GOLIM4: variants seen among roughly 807,000 people sequenced by gnomAD.
GOLIM4 encodes the protein 130 kDa golgi-localized phosphoprotein.
GOLIM4 carries 71 observed loss-of-function variants against 107.4 expected under a neutral mutation model. The ratio of observed to expected loss-of-function variants is 0.66; its 90% CI spans 0.55 to 0.81. GOLIM4 has a LOEUF of 0.81. Ranked by LOEUF, GOLIM4 falls within the 30% of genes least tolerant of loss-of-function variation. GOLIM4 has a pLI of 0.00. For missense variants in GOLIM4, 830 were observed against 826.1 expected, an observed-to-expected ratio of 1.00 and a Z score of -0.06; for synonymous variants, 327 against 294.8, an observed-to-expected ratio of 1.11 and a Z score of -1.12.
At chr3:168,078,319 C>T (rs761794650) in intron 1 of GOLIM4, among the ~76,000 whole-genome samples, 1 of 152,040 alleles carries the variant, frequency 6.6e-6, no homozygotes, top group Non-Finnish European at 1.5e-5. Context: ...TAAATTATCA[C>T]AAGTAATAAA....
At position 168,029,997 on chromosome 3, in the gene GOLIM4, G is replaced by T. The variant is rs200920063; in HGVS notation, c.1216C>A (p.Pro406Thr). The change falls in exon 10 of 16, where the codon CCC (proline) becomes ACC (threonine). Residue 406 changes from proline (P) to threonine (T), a missense_variant. Coordinates refer to ENST00000470487, the MANE Select transcript of GOLIM4 (RefSeq NM_014498.5). Reference protein sequence around the residue: ...SAKPMIKFQSPYEEQLEQQRL... With the variant: ...SAKPMIKFQSTYEEQLEQQRL... ...TGCTGTTCCAACTGTTCCTCATAGG[G>T]TGATTGGAATTTGATCATTGGCTTG... 6.2e-7 allele frequency: 1 copy of T among 1,614,130 alleles called. No homozygotes were observed. Among genetic ancestry groups the T allele is most frequent in the African/African-American group, 1.3e-5 (1 of 75,044 alleles).
chr3:168,011,770 C>T (rs1717051008), intron 14 of GOLIM4, among the ~76,000 whole-genome samples: 1 of 134,852 alleles, frequency 7.4e-6, no homozygotes, highest in Non-Finnish European at 1.5e-5. Context: ...GGAGGCACCC[C>T]CCAGCAGGAG....
intron 14 of GOLIM4, among the ~76,000 whole-genome samples, chr3:168,021,914 G>A (rs921111163): frequency 2.6e-5 from 4 of 152,080 alleles, no homozygotes; most frequent in African/African-American, 9.7e-5. Flanking sequence ...AGCTTACACG[G>A]CACTTTTTGG....
At position 168,008,707 on chromosome 3, in the gene GOLIM4, T is replaced by C. The variant is rs1716813923; in HGVS notation, c.*1562A>G. Reference sequence around the variant, plus strand: ...TTGCCACTTTTTTTTTTTAGCTTTATTGACTATTACCAACTTTCAGTATGG... The same window carrying C: ...TTGCCACTTTTTTTTTTTAGCTTTACTGACTATTACCAACTTTCAGTATGG... On this transcript the variant is annotated 3_prime_UTR_variant, in exon 16 of 16. Coordinates refer to ENST00000470487, the MANE Select transcript of GOLIM4 (RefSeq NM_014498.5). 1 of 152,142 alleles carries C rather than the reference T, an allele frequency of 6.6e-6. No individual in the cohort carries two copies. Among genetic ancestry groups the C allele is most frequent in the South Asian group, 2.1e-4 (1 of 4,830 alleles). 9.4% of individuals were successfully genotyped at this position (152,142 alleles called of 1,614,324 possible). A position where few individuals can be genotyped will look rare whatever the true frequency, so the allele number is the denominator to read the frequency against.
chr3:168,091,553 A>T (rs1721916292), intron 1 of GOLIM4, among the ~76,000 whole-genome samples: 3 of 152,226 alleles, frequency 2.0e-5, no homozygotes, highest in African/African-American at 7.2e-5. Flanking sequence ...GTACAATAAA[A>T]GGAGGTGGTT....
At chr3:168,021,030 C>T (rs762160183) in intron 14 of GOLIM4, among the ~76,000 whole-genome samples, 7 of 152,152 alleles carry the variant, frequency 4.6e-5, no homozygotes, top group Non-Finnish European at 8.8e-5. Flanking sequence ...AACAATGCTT[C>T]TTGTTACTCA....
intron 1 of GOLIM4, among the ~76,000 whole-genome samples, chr3:168,075,295 T>G (rs929601758): frequency 2.4e-5 from 2 of 84,286 alleles, no homozygotes; most frequent in East Asian, 4.6e-4. Context: ...AGTTTTTTTT[T>G]TTTTTTTTTT....
At position 168,010,639 on chromosome 3, in the gene GOLIM4, A is replaced by G. The variant is rs1423919289; in HGVS notation, c.1941+104T>C. On this transcript the variant is annotated intron_variant, in intron 15 of 15. Transcript: ENST00000470487. ...TTAAATTCAGTGGTAACTCAGAGGT[A>G]CCATTACCCACTGGTACGTATCCCA... 3 of 908,926 alleles carry G rather than the reference A, an allele frequency of 3.3e-6. No individual in the cohort carries two copies. The African/African-American group carries it at 5.0e-5, about 15-fold the overall frequency. The allele number at this position is 908,926 out of a possible 1,614,324, so 56.3% of individuals were successfully genotyped here. A position where few individuals can be genotyped will look rare whatever the true frequency, so the allele number is the denominator to read the frequency against.
At chr3:168,047,499 T>C (rs989551728) in intron 2 of GOLIM4, among the ~76,000 whole-genome samples, 1 of 152,208 alleles carries the variant, frequency 6.6e-6, no homozygotes. Context: ...TATCAAAGCA[T>C]TTAATGATGC....
intron 9 of GOLIM4, among the ~76,000 whole-genome samples, chr3:168,030,576 C>T (rs1174647913): frequency 2.1e-5 from 3 of 144,304 alleles, no homozygotes; most frequent in Non-Finnish European, 4.5e-5. Context: ...AATTTTTTTT[C>T]AAAGAAACTA....
At chr3:168,018,452 C>G (rs181917127) in intron 14 of GOLIM4, among the ~76,000 whole-genome samples, 1 of 152,130 alleles carries the variant, frequency 6.6e-6, no homozygotes, top group African/African-American at 2.4e-5. Context: ...ACCAGTCCAA[C>G]GCCAGTTTGA....
At chr3:168,076,456 G>A (rs1721089209) in intron 1 of GOLIM4, among the ~76,000 whole-genome samples, 1 of 152,218 alleles carries the variant, frequency 6.6e-6, no homozygotes, top group Admixed American at 6.5e-5. Flanking sequence ...CACTTTGGGA[G>A]GCCAAGGCGG....
chr3:168,094,083 A>G (rs1203425924), intron 1 of GOLIM4, among the ~76,000 whole-genome samples: 2 of 152,240 alleles, frequency 1.3e-5, no homozygotes, highest in African/African-American at 4.8e-5. Flanking sequence ...AGAAAGCTGC[A>G]TAAGTATTGA....
intron 11 of GOLIM4, 93 bp downstream of exon 11, chr3:168,029,130 G>T: frequency 6.2e-6 from 5 of 805,856 alleles, no homozygotes; most frequent in Non-Finnish European, 1.0e-5. Flanking sequence ...TATGCATACA[G>T]CTCATTGATG....
At chr3:168,034,973 G>T (rs184371591) in intron 8 of GOLIM4, among the ~76,000 whole-genome samples, 2 of 151,006 alleles carry the variant, frequency 1.3e-5, no homozygotes, top group East Asian at 3.9e-4. Flanking sequence ...ACCAGTCTAG[G>T]GTATGTCTTT....
chr3:168,074,753 A>G (rs1022084377), intron 1 of GOLIM4, among the ~76,000 whole-genome samples: 4 of 152,194 alleles, frequency 2.6e-5, no homozygotes, highest in Non-Finnish European at 4.4e-5. Flanking sequence ...AACGCAGACA[A>G]GGACATTAGA....
intron 1 of GOLIM4, among the ~76,000 whole-genome samples, chr3:168,060,524 C>G (rs1003242638): frequency 2.0e-5 from 3 of 152,082 alleles, no homozygotes; most frequent in African/African-American, 7.2e-5. Flanking sequence ...ATGTGCTCAG[C>G]CTGGAAGAGT....
intron 4 of GOLIM4, 34 bp downstream of exon 4, chr3:168,044,793 CT>C (rs760046339): frequency 8.0e-7 from 1 of 1,243,320 alleles, no homozygotes; most frequent in Non-Finnish European, 1.2e-6. Context: ...TTAATCCTTT[CT>C]TTTATTCATA....
At chr3:168,035,890 G>GT (rs1179952268) in intron 8 of GOLIM4, among the ~76,000 whole-genome samples, 1 of 151,416 alleles carries the variant, frequency 6.6e-6, no homozygotes, top group Non-Finnish European at 1.5e-5. Flanking sequence ...AGTGGTAATG[G>GT]TAACTACTTC....
Sources: gnomAD v4.1 joint callset for allele counts (sites outside exome capture counted in the v4.1 genomes callset) on GRCh38, gnomAD v4.1.1 for gene constraint, MANE v1.5 for transcripts, NCBI Gene and HGNC (gene_info 2026-07-23, HGNC 2026-07-21) for gene names.